Variants in MRRF observed in about 807,000 individuals in gnomAD.
MRRF encodes mitochondrial ribosome recycling factor, also known as ribosome-recycling factor, mitochondrial.
A neutral mutation model predicts 25.1 loss-of-function variants in MRRF; 18 were observed. That is an observed-to-expected ratio of 0.72 (90% confidence interval 0.50 to 1.06). The LOEUF (loss-of-function observed/expected upper bound fraction) is 1.06. Ranked by LOEUF, MRRF falls within the 50% of genes least tolerant of loss-of-function variation. The pLI, the probability that MRRF is intolerant of heterozygous loss-of-function variation, is 0.00. For synonymous variants in MRRF, 113 were observed against 112.1 expected (o/e 1.01, Z -0.05); for missense variants, 323 against 319.3 (o/e 1.01, Z -0.09).
chr9:122,285,361 A>G (rs1833331277), intron 4 of MRRF, 74 bp downstream of exon 4: 2 of 899,394 alleles, frequency 2.2e-6, no homozygotes, highest in South Asian at 1.3e-5. Context: ...ATCAGGAGGA[A>G]GTGTTCCTTC....
At chr9:122,322,433 G>A (rs1289488270) in intron 6 of MRRF, 107 bp from the exon 7 acceptor site, 5 of 982,116 alleles carry the variant, frequency 5.1e-6, no homozygotes, top group Non-Finnish European at 8.0e-6. Context: ...GTGAACTTTT[G>A]TCACTATTAT....
intron 6 of MRRF, among the ~76,000 whole-genome samples, chr9:122,314,373 T>G (rs568656776): frequency 6.6e-6 from 1 of 152,356 alleles, no homozygotes; most frequent in East Asian, 1.9e-4. Flanking sequence ...TTTAAACACC[T>G]GCTCTTGTCA....
intron 5 of MRRF, among the ~76,000 whole-genome samples, chr9:122,299,108 G>C (rs1485829713): frequency 3.3e-5 from 5 of 151,846 alleles, no homozygotes; most frequent in African/African-American, 4.8e-5. Context: ...TAGAAGATGA[G>C]GGCCAGGTGC....
At chr9:122,278,433 T>C (rs1435573386) in intron 2 of MRRF, among the ~76,000 whole-genome samples, 1 of 152,186 alleles carries the variant, frequency 6.6e-6, no homozygotes, top group Admixed American at 6.5e-5. Flanking sequence ...ATTCGTTTTC[T>C]CTTTTTTTTT....
At chr9:122,276,273 T>C (rs1174085593) in intron 2 of MRRF, among the ~76,000 whole-genome samples, 1 of 152,142 alleles carries the variant, frequency 6.6e-6, no homozygotes, top group Admixed American at 6.5e-5. Flanking sequence ...TAAATACAAC[T>C]TTAAATGCTT....
At position 122,330,267 on chromosome 9, in the gene MRRF, A is replaced by G. The variant is rs535789030; in HGVS notation, c.*7650A>G. On this transcript the variant is annotated 3_prime_UTR_variant, in exon 7 of 7. Coordinates refer to ENST00000344641, the MANE Select transcript of MRRF (RefSeq NM_138777.5). The surrounding 1 kb of genome is among the most constrained non-coding windows in gnomAD (Gnocchi z 4.2). ...TGGAAGCCCTGAAGAGGAAGGGAGA[A>G]GGTCTCTGCCCACATCCCACATTTG... 45 of 152,682 alleles carry G rather than the reference A, an allele frequency of 2.9e-4. No homozygotes were observed. The highest frequency in any genetic ancestry group is 6.1e-4 in the Non-Finnish European group (42 of 68,336). 9.5% of individuals were successfully genotyped at this position (152,682 alleles called of 1,614,324 possible). A position where few individuals can be genotyped will look rare whatever the true frequency, so the allele number is the denominator to read the frequency against.
intron 3 of MRRF, 89 bp downstream of exon 3, chr9:122,280,687 T>A: frequency 7.6e-7 from 1 of 1,309,166 alleles, no homozygotes; most frequent in Non-Finnish European, 1.1e-6. Context: ...GCTTTGCCAT[T>A]TACTAACTGG....
chr9:122,271,101 A>G, intron 2 of MRRF, 26 bp downstream of exon 2: 1 of 1,591,868 alleles, frequency 6.3e-7, no homozygotes, highest in Admixed American at 1.7e-5. Flanking sequence ...GTTCTCTCCT[A>G]CTTCACCCCT....
chr9:122,322,907 C>CAACATCA lies in MRRF; in HGVS notation c.*291_*292insACATCAA. 1 of 522,020 alleles carries CAACATCA rather than the reference C, an allele frequency of 1.9e-6. No homozygotes were observed. Among genetic ancestry groups the CAACATCA allele is most frequent in the Non-Finnish European group, 3.5e-6 (1 of 287,226 alleles). 32.3% of individuals were successfully genotyped at this position (522,020 alleles called of 1,614,324 possible). A position where few individuals can be genotyped will look rare whatever the true frequency, so the allele number is the denominator to read the frequency against. Reference sequence around the variant, plus strand: ...GTTGCCAAGGGACTGAGGCCATTGGCAGGCTTAGTACCACCTGCTCCTCAT... The same window carrying CAACATCA: ...GTTGCCAAGGGACTGAGGCCATTGGCAACATCAAGGCTTAGTACCACCTGCTCCTCAT... On this transcript the variant is annotated 3_prime_UTR_variant, in exon 7 of 7. Transcript: ENST00000344641.
rs1047755377 is a variant in MRRF, at chr9:122,326,553, A to AT, written c.*3937dup. On this transcript the variant is annotated 3_prime_UTR_variant, in exon 7 of 7. Transcript: ENST00000344641. ...TTATTTCATTGTGATACAGTATTCC[A>AT]TAATATGGGTCTACCATAACTTAAT... is the stretch of plus-strand genomic sequence containing the variant. 6.6e-6 allele frequency: 1 copy of AT among 152,182 alleles called. No homozygotes were observed. Among genetic ancestry groups the AT allele is most frequent in the African/African-American group, 2.4e-5 (1 of 41,448 alleles). The allele number at this position is 152,182 out of a possible 1,614,324, so 9.4% of individuals were successfully genotyped here.
intron 2 of MRRF, among the ~76,000 whole-genome samples, chr9:122,277,614 A>G (rs1233846360): frequency 1.3e-5 from 2 of 152,100 alleles, no homozygotes; most frequent in Non-Finnish European, 2.9e-5. Context: ...GCAGTGGTGC[A>G]GTGTCGGCTC....
At chr9:122,270,799 C>T in intron 1 of MRRF, 65 bp from the exon 2 acceptor site, 1 of 1,266,496 alleles carries the variant, frequency 7.9e-7, no homozygotes, top group Non-Finnish European at 1.2e-6. Context: ...TACGAATTAC[C>T]TGAAGTTGCA....
chr9:122,330,450 T>C lies in MRRF; in HGVS notation c.*7833T>C, dbSNP rs1836256068. On this transcript the variant is annotated 3_prime_UTR_variant, in exon 7 of 7. Coordinates refer to ENST00000344641, the MANE Select transcript of MRRF (RefSeq NM_138777.5). The surrounding 1 kb of genome is among the most constrained non-coding windows in gnomAD (Gnocchi z 4.2). ...AGTCCCTGCTATTCTCTTCCTTTCC[T>C]GGCTCAGGCCTTGATCCAAATAGCT... 6.6e-6 allele frequency: 1 copy of C among 152,380 alleles called. No homozygotes were observed. Among genetic ancestry groups the C allele is most frequent in the Middle Eastern group, 3.4e-3 (1 of 296 alleles). The allele number at this position is 152,380 out of a possible 1,614,324, so 9.4% of individuals were successfully genotyped here.
At chr9:122,276,496 T>G (rs1163915161) in intron 2 of MRRF, among the ~76,000 whole-genome samples, 1 of 152,228 alleles carries the variant, frequency 6.6e-6, no homozygotes, top group East Asian at 1.9e-4. Context: ...TGGTCATTTC[T>G]CAATATTTAA....
intron 5 of MRRF, among the ~76,000 whole-genome samples, chr9:122,297,616 T>C (rs569703252): frequency 6.6e-6 from 1 of 152,314 alleles, no homozygotes; most frequent in African/African-American, 2.4e-5. Context: ...TTTTTCTCTT[T>C]TGCTAACCAT....
At position 122,330,388 on chromosome 9, in the gene MRRF, C is replaced by T. The variant is rs73557066; in HGVS notation, c.*7771C>T. 15 of 152,244 alleles carry T rather than the reference C, an allele frequency of 9.9e-5. No individual in the cohort carries two copies. Among genetic ancestry groups the T allele is most frequent in the Admixed American group, 9.8e-4 (15 of 15,276 alleles). 9.4% of individuals were successfully genotyped at this position (152,244 alleles called of 1,614,324 possible). On this transcript the variant is annotated 3_prime_UTR_variant, in exon 7 of 7. Coordinates refer to ENST00000344641, the MANE Select transcript of MRRF (RefSeq NM_138777.5). This position sits in a 1 kb window ranked among gnomAD's most constrained non-coding sequence, Gnocchi z 4.2. ...CCTCCGCGAGCTAGCTGCCCCTGAC[C>T]GAGGCTCACAGCTTGCCTAGGGGAG...
intron 6 of MRRF, among the ~76,000 whole-genome samples, chr9:122,321,385 T>C (rs1835885390): frequency 2.0e-5 from 3 of 152,226 alleles, no homozygotes; most frequent in Non-Finnish European, 4.4e-5. Flanking sequence ...CTATATGTAT[T>C]CAACTACTTC....
At chr9:122,313,114 C>G in intron 5 of MRRF, 113 bp from the exon 6 acceptor site, 1 of 1,115,802 alleles carries the variant, frequency 9.0e-7, no homozygotes, top group Non-Finnish European at 1.3e-6. Context: ...GGAGTTCAGC[C>G]CACAGAGAGG....
At chr9:122,312,221 T>C (rs181070279) in intron 5 of MRRF, among the ~76,000 whole-genome samples, 27 of 152,342 alleles carry the variant, frequency 1.8e-4, no homozygotes, top group African/African-American at 5.8e-4. Flanking sequence ...TTAACATCTG[T>C]GAGCCTGTTT....
Sources: allele counts gnomAD v4.1 joint callset (sites outside exome capture counted in the v4.1 genomes callset), GRCh38; gene constraint gnomAD v4.1.1; non-coding constraint Gnocchi (gnomAD v3.1); transcripts MANE v1.5; gene names NCBI Gene and HGNC (gene_info 2026-07-23, HGNC 2026-07-21).